The following ACVR1 variants were observed in gnomAD, a reference collection of about 807,000 sequenced individuals.
ACVR1 encodes the protein activin receptor type-1.
Under a neutral mutation model 57.1 loss-of-function variants are expected in ACVR1, and 38 were observed. The ratio of observed to expected loss-of-function variants is 0.67; its 90% CI spans 0.51 to 0.87. ACVR1 has a LOEUF of 0.87. Ranked by LOEUF, ACVR1 falls within the 40% of genes least tolerant of loss-of-function variation. The probability of loss-of-function intolerance (pLI) is 0.00; values close to 1 mark genes in which losing one functional copy is unlikely to be tolerated. For synonymous variants in ACVR1, 212 were observed against 228.1 expected (o/e 0.93, Z 0.63); for missense variants, 463 against 638.2 (o/e 0.73, Z 2.96).
At chr2:157,751,988 G>A (rs1685216421) in intron 9 of ACVR1, among the ~76,000 whole-genome samples, 1 of 152,148 alleles carries the variant, frequency 6.6e-6, no homozygotes, top group Non-Finnish European at 1.5e-5. Flanking sequence ...CTCCTGGCAG[G>A]AAGCCAACCT....
intron 7 of ACVR1, among the ~76,000 whole-genome samples, chr2:157,768,660 A>C (rs1685962878): frequency 1.3e-5 from 2 of 152,232 alleles, no homozygotes; most frequent in Non-Finnish European, 2.9e-5. Context: ...CGTGAATTAT[A>C]TAACTACCTT....
At chr2:157,755,125 C>A (rs1428424038) in intron 9 of ACVR1, among the ~76,000 whole-genome samples, 1 of 152,086 alleles carries the variant, frequency 6.6e-6, no homozygotes, top group Non-Finnish European at 1.5e-5. Flanking sequence ...TAATAAAAGT[C>A]ATCTATGACA....
At chr2:157,765,231 C>G (rs1457308016) in intron 8 of ACVR1, among the ~76,000 whole-genome samples, 1 of 152,158 alleles carries the variant, frequency 6.6e-6, no homozygotes, top group Admixed American at 6.5e-5. Flanking sequence ...ATGAGCTATC[C>G]TAACAGGGAA....
At chr2:157,779,795 T>C (rs979007307) in intron 4 of ACVR1, among the ~76,000 whole-genome samples, 1 of 152,140 alleles carries the variant, frequency 6.6e-6, no homozygotes, top group South Asian at 2.1e-4. Flanking sequence ...CCACAAAAAC[T>C]ACAGGGTTTG....
chr2:157,752,920 G>A (rs1010717233), intron 9 of ACVR1, among the ~76,000 whole-genome samples: 4 of 152,012 alleles, frequency 2.6e-5, no homozygotes, highest in East Asian at 1.9e-4. Flanking sequence ...AAGGTATTCA[G>A]GCAACAGATA....
intron 1 of ACVR1, among the ~76,000 whole-genome samples, chr2:157,855,948 C>T (rs1158075186): frequency 6.6e-6 from 1 of 151,976 alleles, no homozygotes; most frequent in African/African-American, 2.4e-5. Flanking sequence ...AAAAGTTCCT[C>T]GCATCATCAT....
At chr2:157,745,060 T>A (rs1398342090) in intron 9 of ACVR1, among the ~76,000 whole-genome samples, 1 of 152,238 alleles carries the variant, frequency 6.6e-6, no homozygotes, top group East Asian at 1.9e-4. Flanking sequence ...AAGTCCAAAC[T>A]AATTGCATTC....
At chr2:157,830,854 G>A (rs1024700467) in intron 1 of ACVR1, among the ~76,000 whole-genome samples, 1 of 152,068 alleles carries the variant, frequency 6.6e-6, no homozygotes, top group Non-Finnish European at 1.5e-5. Context: ...GCTTCCAGAT[G>A]TTGTCAGTCA....
intron 2 of ACVR1, among the ~76,000 whole-genome samples, chr2:157,812,364 A>C (rs1687779404): frequency 6.6e-6 from 1 of 152,186 alleles, no homozygotes; most frequent in South Asian, 2.1e-4. Flanking sequence ...TACAAAACAT[A>C]AAGAGATAAT....
intron 7 of ACVR1, among the ~76,000 whole-genome samples, chr2:157,767,722 T>C (rs1263651157): frequency 9.9e-5 from 15 of 152,178 alleles, no homozygotes; most frequent in Admixed American, 9.8e-4. Context: ...ATTATGCTCA[T>C]TTTACAGATA....
At chr2:157,847,902 G>C in intron 1 of ACVR1, among the ~76,000 whole-genome samples, 1 of 152,088 alleles carries the variant, frequency 6.6e-6, no homozygotes, top group East Asian at 1.9e-4. Flanking sequence ...GTGAATAGTA[G>C]GATGTGGCCA....
intron 1 of ACVR1, among the ~76,000 whole-genome samples, chr2:157,861,297 C>T (rs1454214536): frequency 2.0e-5 from 3 of 152,092 alleles, no homozygotes; most frequent in Non-Finnish European, 2.9e-5. Context: ...CTTAATAAAT[C>T]TATATAGAAG....
chr2:157,865,826 A>AGATAGATC, intron 1 of ACVR1, among the ~76,000 whole-genome samples: 1 of 120,294 alleles, frequency 8.3e-6, no homozygotes. Context: ...GAAAAAAGAT[A>AGATAGATC]GATAGATAGA....
intron 9 of ACVR1, among the ~76,000 whole-genome samples, chr2:157,757,045 A>ATAT (rs1559039330): frequency 0.043 from 4,240 of 98,078 alleles, 158 homozygotes; most frequent in African/African-American, 0.13. Context: ...TATATATATA[A>ATAT]AATAGAATAC....
intron 2 of ACVR1, among the ~76,000 whole-genome samples, chr2:157,810,225 T>C (rs571389591): frequency 6.6e-6 from 1 of 152,354 alleles, no homozygotes; most frequent in African/African-American, 2.4e-5. Context: ...ATCCTTCCAA[T>C]AGTCCAAAAG....
chr2:157,827,774 A>C (rs1384326810), intron 1 of ACVR1, among the ~76,000 whole-genome samples: 1 of 152,144 alleles, frequency 6.6e-6, no homozygotes, highest in Non-Finnish European at 1.5e-5. Flanking sequence ...GGAGTCATCC[A>C]GGTCGATGGA....
chr2:157,873,520 G>A (rs1160898242), intron 1 of ACVR1, among the ~76,000 whole-genome samples: 1 of 152,148 alleles, frequency 6.6e-6, no homozygotes, highest in Non-Finnish European at 1.5e-5. Context: ...AATAAATCAA[G>A]ATGCAGAGAT....
In ACVR1 at chr2:157,736,837, A is replaced by T. The variant is rs763630396; in HGVS notation, c.*694T>A. The T allele has an allele frequency of 5.9e-6, 2 of 341,062 alleles. No homozygotes were observed. Among genetic ancestry groups the T allele is most frequent in the Non-Finnish European group, 5.4e-6 (1 of 185,854 alleles). The allele number at this position is 341,062 out of a possible 1,614,324, so 21.1% of individuals were successfully genotyped here. A position where few individuals can be genotyped will look rare whatever the true frequency, so the allele number is the denominator to read the frequency against. On this transcript the variant is annotated 3_prime_UTR_variant, in exon 11 of 11. Transcript: ENST00000434821. ...AGACCACATAAAAATAAGCTTTAAC[A>T]TATGCACAAAGCAGTTTTGTAAAAA...
At chr2:157,789,905 T>C (rs764875878) in intron 3 of ACVR1, among the ~76,000 whole-genome samples, 4 of 152,204 alleles carry the variant, frequency 2.6e-5, no homozygotes, top group Non-Finnish European at 4.4e-5. Context: ...TAGGAAAGCC[T>C]TTCTCTCAAA....
Sources: allele counts gnomAD v4.1 joint callset (sites outside exome capture counted in the v4.1 genomes callset), GRCh38; gene constraint gnomAD v4.1.1; transcripts MANE v1.5; gene names NCBI Gene and HGNC (gene_info 2026-07-23, HGNC 2026-07-21).